The following ATP2B2 variants were observed in gnomAD, a reference collection of about 807,000 sequenced individuals.
ATP2B2 encodes ATPase plasma membrane Ca2+ transporting 2.
A neutral mutation model predicts 120.0 loss-of-function variants in ATP2B2; 15 were observed. The observed-to-expected ratio is 0.12, with a 90% CI of 0.08 to 0.19. The LOEUF is 0.19. Ranked by LOEUF, ATP2B2 falls within the 10% of genes least tolerant of loss-of-function variation. ATP2B2 has a pLI of 1.00. For synonymous variants in ATP2B2, 694 were observed against 700.3 expected (o/e 0.99, Z 0.14); for missense variants, 1,045 against 1,719.8 (o/e 0.61, Z 6.94).
intron 1 of ATP2B2, among the ~76,000 whole-genome samples, chr3:10,647,844 G>A (rs1320380055): frequency 6.6e-6 from 1 of 152,222 alleles, no homozygotes; most frequent in Non-Finnish European, 1.5e-5. Flanking sequence ...AAAGTCCAGA[G>A]AGGTGCACAA....
intron 2 of ATP2B2, among the ~76,000 whole-genome samples, chr3:10,555,618 T>C (rs944760039): frequency 1.3e-5 from 2 of 152,208 alleles, no homozygotes; most frequent in African/African-American, 4.8e-5. Context: ...ACAGAGTGAT[T>C]CTTGACTAGT....
chr3:10,606,410 G>A (rs902252146), intron 2 of ATP2B2, among the ~76,000 whole-genome samples: 1 of 152,178 alleles, frequency 6.6e-6, no homozygotes, highest in Non-Finnish European at 1.5e-5. Context: ...CAAAGCTGTA[G>A]TCCGCACCAT....
At chr3:10,669,225 C>T (rs1377302090) in intron 1 of ATP2B2, among the ~76,000 whole-genome samples, 2 of 152,140 alleles carry the variant, frequency 1.3e-5, no homozygotes, top group African/African-American at 2.4e-5. Flanking sequence ...ACATGAATGG[C>T]GTCTTGAACC....
intron 12 of ATP2B2, among the ~76,000 whole-genome samples, chr3:10,366,398 C>T (rs528819783): frequency 7.8e-4 from 119 of 152,282 alleles, no homozygotes; most frequent in Admixed American, 2.4e-3. Flanking sequence ...CTTCACCAGG[C>T]GAAGCTTGGC....
chr3:10,398,636 A>G (rs1352140279), intron 5 of ATP2B2, among the ~76,000 whole-genome samples: 2 of 152,102 alleles, frequency 1.3e-5, no homozygotes, highest in Non-Finnish European at 2.9e-5. Flanking sequence ...TGAGTCTCCA[A>G]GGGCCTGCAG....
At chr3:10,452,286 T>C (rs554586435) in intron 1 of ATP2B2, among the ~76,000 whole-genome samples, 1 of 152,306 alleles carries the variant, frequency 6.6e-6, no homozygotes, top group Admixed American at 6.5e-5. Flanking sequence ...GGGGAGAGTG[T>C]TGGCATTTGG....
At chr3:10,331,718 T>A (rs1452260010) in intron 22 of ATP2B2, among the ~76,000 whole-genome samples, 3 of 151,360 alleles carry the variant, frequency 2.0e-5, no homozygotes, top group African/African-American at 7.3e-5. Context: ...AGGAATTTTT[T>A]TTTTTTTGGC....
chr3:10,411,452 G>T (rs371724903), intron 2 of ATP2B2, among the ~76,000 whole-genome samples: 1 of 152,156 alleles, frequency 6.6e-6, no homozygotes, highest in African/African-American at 2.4e-5. Flanking sequence ...TCCTACAGCC[G>T]CCTTGCGCTG....
chr3:10,493,519 ACTTGTTC>A (rs989167637), intron 1 of ATP2B2, among the ~76,000 whole-genome samples: 1 of 152,136 alleles, frequency 6.6e-6, no homozygotes, highest in African/African-American at 2.4e-5. Context: ...AGGAGTCTCG[ACTTGTTC>A]CTGTACATCA....
At chr3:10,678,837 T>C (rs2071311259) in intron 1 of ATP2B2, among the ~76,000 whole-genome samples, 4 of 152,114 alleles carry the variant, frequency 2.6e-5, no homozygotes, top group Admixed American at 2.6e-4. Context: ...TCCTCCTGGG[T>C]GTGGAGAGGG....
At chr3:10,372,263 T>C (rs572557504) in intron 11 of ATP2B2, among the ~76,000 whole-genome samples, 11 of 152,350 alleles carry the variant, frequency 7.2e-5, no homozygotes, top group South Asian at 2.1e-4. Context: ...TCTCTGTTAG[T>C]ATCTGAACCA....
At chr3:10,487,026 C>T (rs1401376641) in intron 1 of ATP2B2, among the ~76,000 whole-genome samples, 1 of 152,200 alleles carries the variant, frequency 6.6e-6, no homozygotes. Context: ...TTGCGCCCAG[C>T]CCCAGCCAGA....
At chr3:10,638,340 A>T (rs1436477881) in intron 1 of ATP2B2, among the ~76,000 whole-genome samples, 1 of 152,238 alleles carries the variant, frequency 6.6e-6, no homozygotes, top group Non-Finnish European at 1.5e-5. Context: ...ATGTATGACA[A>T]TAACAGCATA....
chr3:10,361,529 A>C (rs1036824195), intron 12 of ATP2B2, among the ~76,000 whole-genome samples: 1 of 152,168 alleles, frequency 6.6e-6, no homozygotes, highest in Non-Finnish European at 1.5e-5. Context: ...TGCCCGCCGC[A>C]GGGCCGTGTG....
At position 10,338,248 on chromosome 3, in the gene ATP2B2, G is replaced by A. The variant is rs534428399; in HGVS notation, c.3348C>T (p.Ile1116=). Residue 1116 remains isoleucine, a synonymous_variant, in exon 22 of 23, where the codon ATC becomes ATT. Coordinates refer to ENST00000360273, the MANE Select transcript of ATP2B2 (RefSeq NM_001001331.4). ...EEELNEDVEE[I]DHAERELRRG... ...GCCGCAGCTCCCGCTCCGCGTGGTC[G>A]ATCTCCTCCACGTCCTCGTTGAGCT... 36 of 1,614,074 alleles carry A rather than the reference G, an allele frequency of 2.2e-5. No individual in the cohort carries two copies. The Admixed American group carries it at 2.8e-4, about 13-fold the overall frequency.
At chr3:10,555,483 G>T (rs770336475) in intron 2 of ATP2B2, among the ~76,000 whole-genome samples, 9 of 152,230 alleles carry the variant, frequency 5.9e-5, no homozygotes, top group Non-Finnish European at 1.3e-4. Flanking sequence ...CCTGTGCAAG[G>T]TCACATTCAT....
In ATP2B2 at chr3:10,518,215, T is replaced by C. The variant is rs141261246; in HGVS notation, c.-320+15824A>G. On this transcript the variant is annotated intron_variant, in intron 3 of 21. Transcript: ENST00000646379. ...TTAGAAACATATGTATCTCTCTACTTAGTGTTATCTTAAGCATTCATAGTC... is the reference window on the plus strand; with the variant it reads ...TTAGAAACATATGTATCTCTCTACTCAGTGTTATCTTAAGCATTCATAGTC... Among the ~76,000 whole-genome samples, 17 of 152,318 alleles carry C rather than the reference T, an allele frequency of 1.1e-4. No homozygotes were observed. In the East Asian group the frequency reaches 3.1e-3, roughly 28 times the overall value.
chr3:10,529,148 A>T (rs2067159347), intron 3 of ATP2B2, among the ~76,000 whole-genome samples: 1 of 152,244 alleles, frequency 6.6e-6, no homozygotes, highest in African/African-American at 2.4e-5. Flanking sequence ...GTGACTGATG[A>T]GAGGGAGTAG....
chr3:10,454,989 C>T (rs1398333500), intron 1 of ATP2B2, among the ~76,000 whole-genome samples: 2 of 152,106 alleles, frequency 1.3e-5, no homozygotes, highest in South Asian at 2.1e-4. Context: ...GTTTTCTTTC[C>T]CCAGGATTCT....
Sources: gnomAD v4.1 joint callset for allele counts (sites outside exome capture counted in the v4.1 genomes callset) on GRCh38, gnomAD v4.1.1 for gene constraint, MANE v1.5 for transcripts, NCBI Gene and HGNC (gene_info 2026-07-23, HGNC 2026-07-21) for gene names.